NTPCR: variants seen among roughly 807,000 people sequenced by gnomAD.
NTPCR encodes cancer-related nucleoside-triphosphatase.
In NTPCR, 15 loss-of-function variants were observed where a neutral mutation model predicts 19.5. The observed-to-expected ratio is 0.77, with a 90% confidence interval of 0.51 to 1.18. The LOEUF (loss-of-function observed/expected upper bound fraction) is 1.18. Among genes scored for constraint, NTPCR ranks in the 50% most tolerant of loss-of-function variants. The probability of loss-of-function intolerance (pLI) is 0.00; values close to 1 mark genes in which losing one functional copy is unlikely to be tolerated. For missense variants in NTPCR, 206 were observed against 240.4 expected (o/e 0.86, Z 0.95); for synonymous variants, 90 against 95.8 (o/e 0.94, Z 0.36).
chr1:232,964,183 T>C (rs1452411834), intron 3 of NTPCR: 2 of 152,204 alleles, frequency 1.3e-5, no homozygotes, highest in Non-Finnish European at 1.5e-5. Context: ...TTCTTTGTCT[T>C]CCAGGACATT....
At chr1:232,975,417 G>T (rs1271975261) in intron 4 of NTPCR, among the ~76,000 whole-genome samples, 2 of 152,176 alleles carry the variant, frequency 1.3e-5, no homozygotes, top group African/African-American at 2.4e-5. Context: ...ACCAGATACT[G>T]GGTCCTGCTT....
intron 3 of NTPCR, among the ~76,000 whole-genome samples, chr1:232,956,716 G>C (rs1668521498): frequency 1.3e-5 from 2 of 152,122 alleles, no homozygotes; most frequent in Admixed American, 1.3e-4. Flanking sequence ...TCTTTCCTCT[G>C]TCTTCTCACA....
intron 4 of NTPCR, among the ~76,000 whole-genome samples, chr1:232,973,964 G>A (rs189017486): frequency 1.3e-5 from 2 of 152,354 alleles, no homozygotes; most frequent in Admixed American, 1.3e-4. Flanking sequence ...TCACATCATT[G>A]TAGTAACAGG....
intron 3 of NTPCR, among the ~76,000 whole-genome samples, chr1:232,957,534 C>A (rs1423906834): frequency 6.6e-6 from 1 of 152,114 alleles, no homozygotes; most frequent in African/African-American, 2.4e-5. Flanking sequence ...GATATTGTCA[C>A]TTCTTTCTTT....
intron 3 of NTPCR, chr1:232,965,139 A>G (rs577982631): frequency 9.2e-5 from 14 of 152,262 alleles, no homozygotes; most frequent in Non-Finnish European, 1.9e-4. Flanking sequence ...GATTACTCCA[A>G]ATAAATTGAG....
At chr1:232,950,803 C>A in intron 1 of NTPCR, 59 bp downstream of exon 1, 2 of 1,243,190 alleles carry the variant, frequency 1.6e-6, no homozygotes, top group Non-Finnish European at 2.2e-6. Flanking sequence ...GCGCGGGCTG[C>A]GGGCGACCTT....
intron 3 of NTPCR, chr1:232,967,433 T>A (rs1668852398): frequency 6.6e-6 from 1 of 152,190 alleles, no homozygotes; most frequent in Non-Finnish European, 1.5e-5. Context: ...CTGGACAGAT[T>A]GAGGATTTTA....
intron 4 of NTPCR, among the ~76,000 whole-genome samples, chr1:232,973,375 T>A (rs778886672): frequency 3.3e-5 from 5 of 152,118 alleles, no homozygotes; most frequent in Non-Finnish European, 5.9e-5. Context: ...TTAGACAAGA[T>A]AGAGTAGACA....
At chr1:232,966,502 G>A (rs1668819875) in intron 3 of NTPCR, 1 of 152,120 alleles carries the variant, frequency 6.6e-6, no homozygotes, top group Admixed American at 6.5e-5. Flanking sequence ...ATATTTATAT[G>A]TTCTTTGTAT....
At chr1:232,968,317 AT>A (rs1182857886) in intron 3 of NTPCR, 1 of 152,242 alleles carries the variant, frequency 6.6e-6, no homozygotes, top group Non-Finnish European at 1.5e-5. Context: ...ATGGAAAAAT[AT>A]TTCATAAGTG....
chr1:232,969,613 T>C (rs1189220133), intron 3 of NTPCR: 3 of 299,618 alleles, frequency 1.0e-5, no homozygotes, highest in Middle Eastern at 2.2e-3. Context: ...TCAGATTCTC[T>C]TTCTCATGAC....
chr1:232,963,833 C>CTGTGTGTGTGTGTGTGTG, intron 3 of NTPCR: 1 of 128,004 alleles, frequency 7.8e-6, no homozygotes, highest in Middle Eastern at 4.3e-3. Context: ...TATTCTCTCT[C>CTGTGTGTGTGTGTGTGTG]TCTGTGTGTG....
At chr1:232,961,324 C>A (rs1007186904) in intron 3 of NTPCR, among the ~76,000 whole-genome samples, 1 of 152,216 alleles carries the variant, frequency 6.6e-6, no homozygotes, top group African/African-American at 2.4e-5. Context: ...TGTGAACCTT[C>A]AAGGTCTTGA....
intron 4 of NTPCR, among the ~76,000 whole-genome samples, chr1:232,971,586 G>A (rs1668981852): frequency 6.6e-6 from 1 of 152,168 alleles, no homozygotes; most frequent in Non-Finnish European, 1.5e-5. Flanking sequence ...TGTATGCTAG[G>A]TGTCATTCTA....
At chr1:232,959,730 A>G (rs889831394) in intron 3 of NTPCR, among the ~76,000 whole-genome samples, 3 of 152,230 alleles carry the variant, frequency 2.0e-5, no homozygotes, top group African/African-American at 7.2e-5. Flanking sequence ...GGGATCTATG[A>G]AAACACAAAT....
chr1:232,955,436 C>T, intron 1 of NTPCR, 121 bp from the exon 2 acceptor site: 5 of 682,352 alleles, frequency 7.3e-6, no homozygotes, highest in Non-Finnish European at 1.1e-5. Flanking sequence ...AATCCATTTA[C>T]AGCCCATTTC....
In NTPCR at chr1:232,981,412, T is replaced by C. The variant is rs147935907; in HGVS notation, c.*3181T>C. ...ATTCATAGAAGGTTGTGTCTGTGGA[T>C]CACACCTGTGTGTGTGCTGATGGCG... On this transcript the variant is annotated 3_prime_UTR_variant, in exon 5 of 5. Coordinates refer to ENST00000366628, the MANE Select transcript of NTPCR (RefSeq NM_032324.3). 94 of 152,368 alleles carry C rather than the reference T, an allele frequency of 6.2e-4. 1 individual carries two copies. In the East Asian group the frequency reaches 0.012, roughly 19 times the overall value. The allele number at this position is 152,368 out of a possible 1,614,324, so 9.4% of individuals were successfully genotyped here. A position where few individuals can be genotyped will look rare whatever the true frequency, so the allele number is the denominator to read the frequency against.
intron 3 of NTPCR, 105 bp from the exon 4 acceptor site, chr1:232,969,804 T>G: frequency 1.1e-6 from 1 of 910,690 alleles, no homozygotes; most frequent in Non-Finnish European, 1.8e-6. Flanking sequence ...AGTAAAAAGG[T>G]TTCTGTCTTT....
Position 232,981,139 on chromosome 1 carries a change from C to G in NTPCR, c.*2908C>G, listed in dbSNP as rs1009698880. 20 of 152,196 alleles carry G rather than the reference C, an allele frequency of 1.3e-4. No homozygotes were observed. Among genetic ancestry groups the G allele is most frequent in the African/African-American group, 3.9e-4 (16 of 41,446 alleles). 9.4% of individuals were successfully genotyped at this position (152,196 alleles called of 1,614,324 possible). ...GCAGATCATACCGCCAGCTGCTTAA[C>G]ACGTAATAGTTTAATAAATTGTTTC... is the stretch of plus-strand genomic sequence containing the variant. On this transcript the variant is annotated 3_prime_UTR_variant, in exon 5 of 5. Coordinates refer to ENST00000366628, the MANE Select transcript of NTPCR (RefSeq NM_032324.3).
Sources: allele counts gnomAD v4.1 joint callset (sites outside exome capture counted in the v4.1 genomes callset), GRCh38; gene constraint gnomAD v4.1.1; transcripts MANE v1.5; gene names NCBI Gene and HGNC (gene_info 2026-07-23, HGNC 2026-07-21).